STXBP5: variants seen among roughly 807,000 people sequenced by gnomAD.
STXBP5 encodes syntaxin binding protein 5.
In STXBP5, 50 loss-of-function variants were observed where a neutral mutation model predicts 152.4. The observed-to-expected ratio is 0.33, with a 90% confidence interval of 0.26 to 0.42. The LOEUF (loss-of-function observed/expected upper bound fraction) is 0.42. Among genes scored for constraint, STXBP5 ranks in the 10% least tolerant of loss-of-function variants. STXBP5 has a pLI of 1.00. For missense variants in STXBP5, 1,167 were observed against 1,388.6 expected, an observed-to-expected ratio of 0.84 and a Z score of 2.54; for synonymous variants, 492 against 494.7, an observed-to-expected ratio of 0.99 and a Z score of 0.07.
At chr6:147,357,148 A>T (rs1444699965) in intron 22 of STXBP5, among the ~76,000 whole-genome samples, 2 of 152,140 alleles carry the variant, frequency 1.3e-5, no homozygotes, top group Non-Finnish European at 2.9e-5. Context: ...TCTAAGTGTC[A>T]TGGGAGAGAT....
intron 9 of STXBP5, among the ~76,000 whole-genome samples, chr6:147,308,493 A>G (rs115510812): frequency 7.7e-4 from 118 of 152,320 alleles, no homozygotes; most frequent in African/African-American, 2.7e-3. Flanking sequence ...ACTACCCACT[A>G]TATGGCAGGT....
intron 4 of STXBP5, among the ~76,000 whole-genome samples, chr6:147,251,845 G>A (rs1196121873): frequency 3.3e-5 from 5 of 152,148 alleles, no homozygotes; most frequent in Admixed American, 2.0e-4. Flanking sequence ...GGAGAGCTTC[G>A]GCTGGTGGGT....
intron 2 of STXBP5, among the ~76,000 whole-genome samples, chr6:147,207,643 C>G (rs887309415): frequency 9.2e-5 from 14 of 152,100 alleles, no homozygotes; most frequent in Admixed American, 1.3e-4. Context: ...AGCGTTGGAT[C>G]TAGATGCATT....
chr6:147,215,722 T>C (rs532971701), intron 2 of STXBP5, among the ~76,000 whole-genome samples: 1 of 152,286 alleles, frequency 6.6e-6, no homozygotes, highest in East Asian at 1.9e-4. Context: ...ATAGTAACTC[T>C]ATATATCAAG....
At chr6:147,250,895 G>C (rs1269291131) in intron 4 of STXBP5, among the ~76,000 whole-genome samples, 1 of 149,702 alleles carries the variant, frequency 6.7e-6, no homozygotes, top group East Asian at 2.0e-4. Context: ...TTGAACCTGG[G>C]AGGCGGAGGT....
intron 23 of STXBP5, among the ~76,000 whole-genome samples, chr6:147,362,688 T>C (rs1040527274): frequency 6.6e-6 from 1 of 152,230 alleles, no homozygotes; most frequent in African/African-American, 2.4e-5. Context: ...ATAAATAATT[T>C]TAAATGTTCT....
intron 23 of STXBP5, among the ~76,000 whole-genome samples, chr6:147,360,077 G>C (rs971256156): frequency 6.6e-6 from 1 of 152,160 alleles, no homozygotes. Context: ...CAGAGAAATG[G>C]AAATCAAAAC....
At position 147,359,278 on chromosome 6, in the gene STXBP5, G is replaced by C. The variant is rs777556534; in HGVS notation, c.2500G>C (p.Gly834Arg). 2 of 1,613,850 alleles carry C rather than the reference G, an allele frequency of 1.2e-6. No individual in the cohort carries two copies. Among genetic ancestry groups the C allele is most frequent in the South Asian group, 2.2e-5 (2 of 91,072 alleles). Residue 834 changes from glycine (G) to arginine (R), a missense_variant, in exon 23 of 28, where the codon GGG becomes CGG. This residue lies in a region of STXBP5 where 833 missense variants were observed against 986.3 expected (regional missense o/e 0.84). Coordinates refer to ENST00000321680, the MANE Select transcript of STXBP5 (RefSeq NM_001127715.4). Reference sequence around the variant, plus strand: ...TGTCATTGCACTGAACCTTCCCCCAGGGGGAGAGCAAAGACTTCTTCAGCC... The same window carrying C: ...TGTCATTGCACTGAACCTTCCCCCACGGGGAGAGCAAAGACTTCTTCAGCC... ...VLVIALNLPP[G>R]GEQRLLQPVI... is the part of the protein sequence containing the mutation.
intron 25 of STXBP5, among the ~76,000 whole-genome samples, chr6:147,367,742 ACATC>A (rs1785359291): frequency 6.6e-6 from 1 of 152,150 alleles, no homozygotes; most frequent in Non-Finnish European, 1.5e-5. Context: ...CAATAGAAAA[ACATC>A]AATGAAATCA....
intron 2 of STXBP5, among the ~76,000 whole-genome samples, chr6:147,219,687 G>A (rs1362940054): frequency 6.6e-6 from 1 of 151,438 alleles, no homozygotes; most frequent in Non-Finnish European, 1.5e-5. Flanking sequence ...TTTGTTTTTA[G>A]TATTCCTTTA....
Position 147,338,731 on chromosome 6 carries a change from A to AATATATAGTTTTAAATTAT in STXBP5, c.2147-433_2147-432insTTATATATATAGTTTTAAA, listed in dbSNP as rs1554217085. Among the ~76,000 whole-genome samples, 31 of 150,424 alleles carry AATATATAGTTTTAAATTAT rather than the reference A, an allele frequency of 2.1e-4. 1 individual carries two copies. In the East Asian group the frequency reaches 5.9e-3, roughly 28 times the overall value. On this transcript the variant is annotated intron_variant, in intron 19 of 27. Transcript: ENST00000321680. Reference sequence around the variant, plus strand: ...GATTTCTATGATATGTAGTAGAATGAATATATAGTTTTAAACTGTCAGTCT... The same window carrying AATATATAGTTTTAAATTAT: ...GATTTCTATGATATGTAGTAGAATGAATATATAGTTTTAAATTATATATATAGTTTTAAACTGTCAGTCT...
At position 147,219,453 on chromosome 6, in the gene STXBP5, C is replaced by G. The variant is rs1378819941; in HGVS notation, c.248+13385C>G. 3.9e-5 allele frequency among the ~76,000 whole-genome samples: 6 copies of G among 152,192 alleles called. No individual in the cohort carries two copies. The East Asian group carries it at 1.2e-3, about 29-fold the overall frequency. ...CATAAAATGAGTTAGGATATATTTC[C>G]TCTGCCTTTATCTTCTGAAAGAGAC... On this transcript the variant is annotated intron_variant, in intron 2 of 27. Transcript: ENST00000321680.
At chr6:147,208,102 G>C (rs1267341374) in intron 2 of STXBP5, among the ~76,000 whole-genome samples, 2 of 152,096 alleles carry the variant, frequency 1.3e-5, no homozygotes, top group African/African-American at 4.8e-5. Flanking sequence ...GTGAATAAAA[G>C]TGAACCTGTA....
chr6:147,301,757 C>A (rs1292874790), intron 9 of STXBP5, among the ~76,000 whole-genome samples: 1 of 152,034 alleles, frequency 6.6e-6, no homozygotes, highest in Non-Finnish European at 1.5e-5. Context: ...ATTCTGATGT[C>A]TTCTCCCTAC....
rs1785295630 is a variant in STXBP5 at position 147,366,455 on chromosome 6, G to C, written c.3081+2289G>C. Among the ~76,000 whole-genome samples the C allele has an allele frequency of 2.6e-5, 4 of 152,304 alleles. No homozygotes were observed. The South Asian group carries it at 8.3e-4, about 32-fold the overall frequency. ...AGAAGTCCACAATCAGTTTTACTGAGGCAAAATCAATGTGCTAGCAGGGTC... is the reference window on the plus strand; with the variant it reads ...AGAAGTCCACAATCAGTTTTACTGACGCAAAATCAATGTGCTAGCAGGGTC... On this transcript the variant is annotated intron_variant, in intron 25 of 27. Transcript: ENST00000321680.
intron 23 of STXBP5, among the ~76,000 whole-genome samples, chr6:147,360,039 T>A (rs1784994422): frequency 6.6e-6 from 1 of 152,160 alleles, no homozygotes; most frequent in East Asian, 1.9e-4. Flanking sequence ...AAAAAACACA[T>A]GAAAAAATGC....
chr6:147,319,901 G>A (rs1269971215), intron 16 of STXBP5, among the ~76,000 whole-genome samples: 5 of 143,160 alleles, frequency 3.5e-5, no homozygotes. Context: ...GAGTACAGTG[G>A]TGTGATCACA....
intron 11 of STXBP5, among the ~76,000 whole-genome samples, chr6:147,312,754 A>C (rs1246469595): frequency 2.0e-5 from 3 of 152,202 alleles, no homozygotes; most frequent in Non-Finnish European, 4.4e-5. Flanking sequence ...ATCAATTGTG[A>C]GGAGTCTTTT....
At chr6:147,317,355 TAC>T (rs1266278631) in intron 16 of STXBP5, among the ~76,000 whole-genome samples, 9 of 152,154 alleles carry the variant, frequency 5.9e-5, no homozygotes, top group Non-Finnish European at 7.4e-5. Flanking sequence ...ATTTTAAAAA[TAC>T]AGAGTTTTAG....
Sources: gnomAD v4.1 joint callset for allele counts (sites outside exome capture counted in the v4.1 genomes callset) on GRCh38, gnomAD v4.1.1 for gene constraint, gnomAD v4.1.1 regional missense constraint, MANE v1.5 for transcripts, NCBI Gene and HGNC (gene_info 2026-07-23, HGNC 2026-07-21) for gene names.